MAVS: variants seen among roughly 807,000 people sequenced by gnomAD.
The protein encoded by MAVS is mitochondrial antiviral signaling protein.
MAVS carries 20 observed loss-of-function variants against 30.2 expected under a neutral mutation model. The observed-to-expected ratio is 0.66, with a 90% CI of 0.47 to 0.96. The LOEUF is 0.96. MAVS is among the 40% of genes least tolerant of loss of function. The pLI is 0.00. For synonymous variants in MAVS, 278 were observed against 293.9 expected, an observed-to-expected ratio of 0.95 and a Z score of 0.55; for missense variants, 624 against 701.1, an observed-to-expected ratio of 0.89 and a Z score of 1.24.
rs1172770318 is a variant in MAVS at position 3,870,625 on chromosome 20, C to A, written c.*4478C>A. Reference sequence around the variant, plus strand: ...GACAAGCCTGGGCAACAAAGCAAGACCCTATCTCTAAAAAAAAAAAAAAAA... The same window carrying A: ...GACAAGCCTGGGCAACAAAGCAAGAACCTATCTCTAAAAAAAAAAAAAAAA... On this transcript the variant is annotated 3_prime_UTR_variant, in exon 7 of 7. Transcript: ENST00000428216. 8.4e-5 allele frequency: 7 copies of A among 83,250 alleles called. No individual in the cohort carries two copies. The East Asian group carries it at 2.7e-3, about 32-fold the overall frequency. 5.2% of individuals were successfully genotyped at this position (83,250 alleles called of 1,614,324 possible).
At chr20:3,854,976 C>T (rs528166167) in intron 2 of MAVS, among the ~76,000 whole-genome samples, 17 of 150,958 alleles carry the variant, frequency 1.1e-4, no homozygotes, top group African/African-American at 1.7e-4. Flanking sequence ...TTGCAACCTC[C>T]GCCTCCTGGG....
In MAVS at chr20:3,859,917, C is replaced by A. The variant is rs373677629; in HGVS notation, c.293-1415C>A. ...CTGCAAGCTCCGCCTCCCGGGTTCA[C>A]GCCATTCTCCTGCCTCAGCCTCCCG... On this transcript the variant is annotated intron_variant, in intron 3 of 6. Transcript: ENST00000428216. Among the ~76,000 whole-genome samples the A allele has an allele frequency of 8.8e-5, 13 of 147,884 alleles. No homozygotes were observed. The East Asian group carries it at 1.9e-3, about 22-fold the overall frequency.
intron 6 of MAVS, 26 bp downstream of exon 6, chr20:3,864,814 G>C: frequency 6.2e-7 from 1 of 1,604,060 alleles, no homozygotes. Context: ...TCCTGGCAGG[G>C]ATCCTGGCCC....
Position 3,867,834 on chromosome 20 carries a change from T to C in MAVS, c.*1687T>C, listed in dbSNP as rs2089920844. The C allele has an allele frequency of 6.6e-6, 1 of 152,382 alleles. No homozygotes were observed. Among genetic ancestry groups the C allele is most frequent in the Admixed American group, 6.6e-5 (1 of 15,258 alleles). The allele number at this position is 152,382 out of a possible 1,614,324, so 9.4% of individuals were successfully genotyped here. On this transcript the variant is annotated 3_prime_UTR_variant, in exon 7 of 7. Transcript: ENST00000428216. ...CAAGCTCACCCACTGTTGGGGAGAT[T>C]ATCTACAATAACACCAGAAACACAT...
chr20:3,864,200 G>A, intron 5 of MAVS, 56 bp from the exon 6 acceptor site: 1 of 1,535,760 alleles, frequency 6.5e-7, no homozygotes, highest in Non-Finnish European at 8.8e-7. Flanking sequence ...CCTTCTCCAG[G>A]CCTCAAGGTA....
At chr20:3,852,962 C>A (rs933779361) in intron 1 of MAVS, among the ~76,000 whole-genome samples, 2 of 150,402 alleles carry the variant, frequency 1.3e-5, no homozygotes, top group South Asian at 2.1e-4. Flanking sequence ...TCTCAGCTTC[C>A]TGAATAGCTG....
chr20:3,854,888 TTTC>T (rs2089796206), intron 2 of MAVS, 147 bp downstream of exon 2: 2 of 472,060 alleles, frequency 4.2e-6, no homozygotes, highest in African/African-American at 2.7e-5. Flanking sequence ...CCTTGCTGCT[TTTC>T]TTTTTTTTTT....
At position 3,865,727 on chromosome 20, in the gene MAVS, C is replaced by T. The variant is rs144099564; in HGVS notation, c.1203C>T (p.Ser401=). The T allele has an allele frequency of 6.8e-6, 11 of 1,612,670 alleles. No homozygotes were observed. The African/African-American group carries it at 1.1e-4, about 16-fold the overall frequency. ...APTPAGATGG[S]SAWLDSSSEN... is the part of the protein sequence containing the mutation. ...CACCCGCCGGCGCCACTGGAGGCAG[C>T]TCAGCCTGGCTAGACAGCAGCTCTG... is the stretch of plus-strand genomic sequence containing the variant. Residue 401 remains serine, a synonymous_variant, in exon 7 of 7, where the codon AGC becomes AGT. Coordinates refer to ENST00000428216, the MANE Select transcript of MAVS (RefSeq NM_020746.5). The surrounding 1 kb of genome is among the most constrained non-coding windows in gnomAD (Gnocchi z 4.7).
In MAVS at chr20:3,866,409, A is replaced by C; in HGVS notation, c.*262A>C. ...GCCCCCAGTGCTCCAGACCTTCCCC[A>C]CTGGCAATCCAGGTTATCATCCATG... On this transcript the variant is annotated 3_prime_UTR_variant, in exon 7 of 7. Coordinates refer to ENST00000428216, the MANE Select transcript of MAVS (RefSeq NM_020746.5). The C allele has an allele frequency of 2.0e-6, 1 of 502,212 alleles. No individual in the cohort carries two copies. Among genetic ancestry groups the C allele is most frequent in the Non-Finnish European group, 3.5e-6 (1 of 284,246 alleles). The allele number at this position is 502,212 out of a possible 1,614,324, so 31.1% of individuals were successfully genotyped here.
rs2089960995 is a variant in MAVS, at chr20:3,872,210, CAGA to C, written c.*6066_*6068del. ...ATCCCAGCACTTTGGGAGACCAAGG[CAGA>C]AGGACTGCTTGAGGCCAGGAGTTCA... On this transcript the variant is annotated 3_prime_UTR_variant, in exon 7 of 7. Transcript: ENST00000428216. 6.6e-6 allele frequency: 1 copy of C among 152,454 alleles called. No individual in the cohort carries two copies. The highest frequency in any genetic ancestry group is 2.1e-4 in the South Asian group (1 of 4,836). The allele number at this position is 152,454 out of a possible 1,614,324, so 9.4% of individuals were successfully genotyped here.
intron 1 of MAVS, among the ~76,000 whole-genome samples, chr20:3,853,208 C>A (rs574760445): frequency 1.4e-5 from 2 of 142,718 alleles, no homozygotes; most frequent in Non-Finnish European, 3.1e-5. Context: ...AGATGGCGGC[C>A]GGGCGCGGTG....
intron 1 of MAVS, among the ~76,000 whole-genome samples, chr20:3,853,228 T>A (rs2089777537): frequency 1.3e-5 from 2 of 148,982 alleles, no homozygotes; most frequent in South Asian, 4.3e-4. Flanking sequence ...GGCTCACGCC[T>A]GTAATCCCAG....
rs749048849 is a variant in MAVS at position 3,864,328 on chromosome 20, C to T, written c.698C>T (p.Ser233Phe). The change falls in exon 6 of 7, where the codon TCC (serine) becomes TTC (phenylalanine). Residue 233 changes from serine (S) to phenylalanine (F), a missense_variant. By Grantham distance (155) the Ser-to-Phe change is radical. Transcript: ENST00000428216. ...PSVSFQPLARSTPRASRLPGP... is the reference protein window; with the variant it reads ...PSVSFQPLARFTPRASRLPGP... ...GTCTCCTTCCAGCCCCTGGCCCGTT[C>T]CACCCCCAGGGCAAGCCGCTTGCCT... 6.2e-7 allele frequency: 1 copy of T among 1,613,954 alleles called. No homozygotes were observed. The highest frequency in any genetic ancestry group is 1.1e-5 in the South Asian group (1 of 91,080).
In MAVS at chr20:3,868,229, AC is replaced by A. The variant is rs2089924323; in HGVS notation, c.*2085del. ...ATCTTAAAAAGCCCTCTGTCCCCCT[AC>A]CCTAAACCCCAGTTAGGTACCCATG... is the stretch of plus-strand genomic sequence containing the variant. On this transcript the variant is annotated 3_prime_UTR_variant, in exon 7 of 7. Transcript: ENST00000428216. The A allele has an allele frequency of 1.3e-5, 2 of 152,156 alleles. No homozygotes were observed. Among genetic ancestry groups the A allele is most frequent in the South Asian group, 4.1e-4 (2 of 4,824 alleles). 9.4% of individuals were successfully genotyped at this position (152,156 alleles called of 1,614,324 possible).
At chr20:3,850,020 T>A (rs1458600704) in intron 1 of MAVS, among the ~76,000 whole-genome samples, 1 of 152,130 alleles carries the variant, frequency 6.6e-6, no homozygotes, top group East Asian at 1.9e-4. Flanking sequence ...GGCTCATGCC[T>A]GTAATCCCAG....
rs565785220 is a variant in MAVS, at chr20:3,858,094, G to A, written c.292+285G>A. ...AGTGGGTGATACTGCGGGACGATGCGTGTTGAGTATTGAGCTGGGCTGGGC... is the reference window on the plus strand; with the variant it reads ...AGTGGGTGATACTGCGGGACGATGCATGTTGAGTATTGAGCTGGGCTGGGC... On this transcript the variant is annotated intron_variant, in intron 3 of 6. Coordinates refer to ENST00000428216, the MANE Select transcript of MAVS (RefSeq NM_020746.5). Among the ~76,000 whole-genome samples, 17 of 152,240 alleles carry A rather than the reference G, an allele frequency of 1.1e-4. No homozygotes were observed. In the East Asian group the frequency reaches 1.2e-3, roughly 10 times the overall value.
rs2089901562 is a variant in MAVS at position 3,865,735 on chromosome 20, G to A, written c.1211G>A (p.Trp404Ter). The A allele has an allele frequency of 6.2e-7, 1 of 1,613,208 alleles. No homozygotes were observed. Among genetic ancestry groups the A allele is most frequent in the Non-Finnish European group, 8.5e-7 (1 of 1,179,876 alleles). The change falls in exon 7 of 7, where the codon TGG (tryptophan) becomes TAG (stop). Residue 404 changes from tryptophan (W) to a stop codon, truncating the protein, a stop_gained. Transcript: ENST00000428216. LOFTEE classifies it low-confidence loss of function (END_TRUNC). This position sits in a 1 kb window ranked among gnomAD's most constrained non-coding sequence, Gnocchi z 4.7. ...PAGATGGSSA[W>*]LDSSSENRGL... is the part of the protein sequence containing the mutation. ...GGCGCCACTGGAGGCAGCTCAGCCT[G>A]GCTAGACAGCAGCTCTGAGAATAGG...
intron 3 of MAVS, among the ~76,000 whole-genome samples, chr20:3,859,401 G>A (rs1009942299): frequency 1.3e-5 from 2 of 151,988 alleles, no homozygotes; most frequent in Non-Finnish European, 2.9e-5. Flanking sequence ...CCAGCTACTT[G>A]GGAGGCTGAG....
Position 3,865,639 on chromosome 20 carries a change from C to A in MAVS, c.1159-44C>A. 6.6e-7 allele frequency: 1 copy of A among 1,524,756 alleles called. No homozygotes were observed. The highest frequency in any genetic ancestry group is 8.8e-7 in the Non-Finnish European group (1 of 1,133,408). 94.5% of individuals were successfully genotyped at this position (1,524,756 alleles called of 1,614,324 possible). A position where few individuals can be genotyped will look rare whatever the true frequency, so the allele number is the denominator to read the frequency against. On this transcript the variant is annotated intron_variant, in intron 6 of 6. Coordinates refer to ENST00000428216, the MANE Select transcript of MAVS (RefSeq NM_020746.5). The surrounding 1 kb of genome is among the most constrained non-coding windows in gnomAD (Gnocchi z 4.7). ...GGGACCGCCCTACCAGGTTCGTCTC[C>A]CTGCCAACCCCAGTCCCTTCCAGTG...
Sources: gnomAD v4.1 joint callset for allele counts (sites outside exome capture counted in the v4.1 genomes callset) on GRCh38, gnomAD v4.1.1 for gene constraint, Gnocchi (gnomAD v3.1) non-coding constraint, MANE v1.5 for transcripts, NCBI Gene and HGNC (gene_info 2026-07-23, HGNC 2026-07-21) for gene names.